PTPRG: variants seen among roughly 807,000 people sequenced by gnomAD.
PTPRG encodes protein tyrosine phosphatase receptor type G, also known as receptor-type tyrosine-protein phosphatase gamma.
Under a neutral mutation model 165.3 loss-of-function variants are expected in PTPRG, and 102 were observed. That is an observed-to-expected ratio of 0.62 (90% CI 0.53 to 0.73). The LOEUF (loss-of-function observed/expected upper bound fraction) is 0.73. Among genes scored for constraint, PTPRG ranks in the 30% least tolerant of loss-of-function variants. The pLI, the probability that PTPRG is intolerant of heterozygous loss-of-function variation, is 0.00. For synonymous variants in PTPRG, 675 were observed against 669.5 expected (o/e 1.01, Z -0.13); for missense variants, 1,866 against 1,861.4 (o/e 1.00, Z -0.05).
intron 2 of PTPRG, among the ~76,000 whole-genome samples, chr3:61,966,942 A>G (rs1273860337): frequency 6.6e-6 from 1 of 152,198 alleles, no homozygotes; most frequent in Non-Finnish European, 1.5e-5. Context: ...TTCTGCCATA[A>G]AACTTAAAGT....
chr3:62,175,824 C>T (rs1705400843), intron 8 of PTPRG, among the ~76,000 whole-genome samples: 1 of 152,058 alleles, frequency 6.6e-6, no homozygotes, highest in Non-Finnish European at 1.5e-5. Context: ...GGACAGGGAG[C>T]CAGCCCCACA....
intron 4 of PTPRG, among the ~76,000 whole-genome samples, chr3:62,066,775 C>T (rs1235655970): frequency 1.3e-5 from 2 of 152,186 alleles, no homozygotes; most frequent in African/African-American, 2.4e-5. Context: ...CGCGGTGGCT[C>T]ATGCCTGTAA....
intron 1 of PTPRG, among the ~76,000 whole-genome samples, chr3:61,720,081 T>A (rs2031984247): frequency 1.3e-5 from 2 of 152,118 alleles, no homozygotes; most frequent in Non-Finnish European, 2.9e-5. Flanking sequence ...TTATCCCTCC[T>A]CCGTCCTGCT....
chr3:61,806,239 C>A (rs964837607), intron 2 of PTPRG, among the ~76,000 whole-genome samples: 4 of 152,088 alleles, frequency 2.6e-5, no homozygotes, highest in Non-Finnish European at 4.4e-5. Flanking sequence ...TTATAGCAAG[C>A]CTGACTTGAT....
At chr3:61,597,351 CA>C (rs1575527144) in intron 1 of PTPRG, among the ~76,000 whole-genome samples, 1 of 152,134 alleles carries the variant, frequency 6.6e-6, no homozygotes, top group Non-Finnish European at 1.5e-5. Context: ...TGCAGATGCT[CA>C]AGTCCCTTAT....
chr3:61,843,286 G>A (rs1197630900), intron 2 of PTPRG, among the ~76,000 whole-genome samples: 1 of 152,044 alleles, frequency 6.6e-6, no homozygotes, highest in Non-Finnish European at 1.5e-5. Context: ...GTAAGAAAAA[G>A]CATAGAATAA....
Position 61,974,042 on chromosome 3 carries a change from A to G in PTPRG, c.191-15583A>G, listed in dbSNP as rs1326448735. Among the ~76,000 whole-genome samples the G allele has an allele frequency of 2.6e-5, 4 of 152,272 alleles. No individual in the cohort carries two copies. In the East Asian group the frequency reaches 7.7e-4, roughly 29 times the overall value. On this transcript the variant is annotated intron_variant, in intron 2 of 29. Transcript: ENST00000474889. ...TGAAGAACTGTGGAACCAACACCAC[A>G]GAGCCATACTCTAAGCCAAAGTTTT...
At chr3:61,709,946 G>A (rs2090951) in intron 1 of PTPRG, among the ~76,000 whole-genome samples, 142,881 of 152,200 alleles carry the variant, frequency 0.94, 67,135 homozygotes, top group African/African-American at 0.96. Flanking sequence ...GAGAATTGGC[G>A]TTTCTAGGTG....
intron 2 of PTPRG, among the ~76,000 whole-genome samples, chr3:61,981,650 G>C (rs1346424422): frequency 6.6e-6 from 1 of 152,126 alleles, no homozygotes; most frequent in Non-Finnish European, 1.5e-5. Flanking sequence ...GTACTTGGTG[G>C]GGTTTGGAGG....
chr3:62,224,885 G>T lies in PTPRG; in HGVS notation c.2288+5902G>T, dbSNP rs1480077682. Among the ~76,000 whole-genome samples the T allele has an allele frequency of 6.6e-6, 1 of 152,192 alleles. No homozygotes were observed. The highest frequency in any genetic ancestry group is 1.5e-5 in the Non-Finnish European group (1 of 68,038). On this transcript the variant is annotated intron_variant, in intron 13 of 29. Transcript: ENST00000474889. This position sits in a 1 kb window ranked among gnomAD's most constrained non-coding sequence, Gnocchi z 4.9. The stretch of plus-strand genomic sequence containing the variant: ...TCGCAAAGGTCTGCCTTGAAGAGCT[G>T]TAGGAACCAGAATCTGTAAAAACAC...
chr3:62,168,426 C>G (rs2106735821), intron 8 of PTPRG, among the ~76,000 whole-genome samples: 1 of 152,324 alleles, frequency 6.6e-6, no homozygotes, highest in East Asian at 1.9e-4. Flanking sequence ...AACTTACTAG[C>G]AGTGTCTAGA....
At chr3:61,696,892 G>A (rs557958922) in intron 1 of PTPRG, among the ~76,000 whole-genome samples, 5 of 152,286 alleles carry the variant, frequency 3.3e-5, no homozygotes, top group Admixed American at 2.6e-4. Flanking sequence ...ACGGTCTTGT[G>A]ACCTGAAAGT....
intron 4 of PTPRG, among the ~76,000 whole-genome samples, chr3:62,073,306 C>T (rs1019682894): frequency 1.3e-5 from 2 of 152,148 alleles, no homozygotes; most frequent in African/African-American, 2.4e-5. Context: ...GGATATTTAT[C>T]TCATGCCAAA....
chr3:61,713,038 A>G (rs1292546884), intron 1 of PTPRG, among the ~76,000 whole-genome samples: 1 of 151,986 alleles, frequency 6.6e-6, no homozygotes, highest in Non-Finnish European at 1.5e-5. Context: ...ACCCCCTTTC[A>G]TCAGCCATGT....
intron 7 of PTPRG, among the ~76,000 whole-genome samples, chr3:62,163,292 A>T (rs116835515): frequency 0.011 from 1,735 of 152,254 alleles, 32 homozygotes; most frequent in African/African-American, 0.04. Context: ...TTTCCTTACT[A>T]GTCAATAAAA....
chr3:62,073,824 A>G (rs2106737228), intron 4 of PTPRG, among the ~76,000 whole-genome samples: 1 of 152,278 alleles, frequency 6.6e-6, no homozygotes, highest in African/African-American at 2.4e-5. Flanking sequence ...TACGCTTCCA[A>G]CTGTCAGAGT....
chr3:61,754,468 C>T (rs1056064402), intron 2 of PTPRG, among the ~76,000 whole-genome samples: 5 of 152,144 alleles, frequency 3.3e-5, no homozygotes, highest in African/African-American at 4.8e-5. Context: ...CTCATTTCCC[C>T]GGCTAAGTGT....
At chr3:61,999,995 C>T (rs1159734328) in intron 3 of PTPRG, among the ~76,000 whole-genome samples, 1 of 152,090 alleles carries the variant, frequency 6.6e-6, no homozygotes, top group East Asian at 1.9e-4. Context: ...CTACTCAATA[C>T]TTAAGATCTC....
chr3:61,958,166 G>A (rs1305562082), intron 2 of PTPRG, among the ~76,000 whole-genome samples: 1 of 150,546 alleles, frequency 6.6e-6, no homozygotes, highest in Non-Finnish European at 1.5e-5. Flanking sequence ...TTACTCTGTT[G>A]CCCAGGCTGG....
Sources: gnomAD v4.1 joint callset for allele counts (sites outside exome capture counted in the v4.1 genomes callset) on GRCh38, gnomAD v4.1.1 for gene constraint, Gnocchi (gnomAD v3.1) non-coding constraint, MANE v1.5 for transcripts, NCBI Gene and HGNC (gene_info 2026-07-23, HGNC 2026-07-21) for gene names.